Variants in SGCZ observed in about 807,000 individuals in gnomAD.
SGCZ encodes sarcoglycan zeta.
In SGCZ, 40 loss-of-function variants were observed where a neutral mutation model predicts 41.3. The ratio of observed to expected loss-of-function variants is 0.97; its 90% CI spans 0.75 to 1.26. SGCZ has a LOEUF of 1.26. Among genes scored for constraint, SGCZ ranks in the 50% most tolerant of loss-of-function variants. The pLI is 0.00. For synonymous variants in SGCZ, 206 were observed against 137.5 expected (o/e 1.50, Z -3.49); for missense variants, 552 against 369.8 (o/e 1.49, Z -4.04).
At chr8:14,884,278 C>T (rs1054749017) in intron 1 of SGCZ, among the ~76,000 whole-genome samples, 2 of 152,078 alleles carry the variant, frequency 1.3e-5, no homozygotes, top group African/African-American at 2.4e-5. Context: ...CCAAACCTGG[C>T]GTGTTTTTGA....
intron 4 of SGCZ, among the ~76,000 whole-genome samples, chr8:14,205,369 A>T (rs2117080997): frequency 6.6e-6 from 1 of 152,282 alleles, no homozygotes; most frequent in Admixed American, 6.5e-5. Flanking sequence ...TTTCCAAGCA[A>T]TCTGCTAAAA....
chr8:14,137,466 A>C (rs144992562), intron 5 of SGCZ, among the ~76,000 whole-genome samples: 3,211 of 152,312 alleles, frequency 0.021, 46 homozygotes, highest in Middle Eastern at 0.078. Flanking sequence ...TAGAATAAAC[A>C]GTGTAGAGAA....
chr8:14,622,929 C>T (rs902088025), intron 1 of SGCZ, among the ~76,000 whole-genome samples: 1 of 152,118 alleles, frequency 6.6e-6, no homozygotes, highest in Non-Finnish European at 1.5e-5. Context: ...AAAGCTCCTC[C>T]TTTGTTCAAG....
chr8:14,658,648 C>T (rs1480461002), intron 1 of SGCZ, among the ~76,000 whole-genome samples: 1 of 152,096 alleles, frequency 6.6e-6, no homozygotes, highest in Admixed American at 6.6e-5. Flanking sequence ...TATCCTTTTG[C>T]CTGAAGTCTT....
In SGCZ at chr8:14,734,708, C is replaced by T. The variant is rs574725039; in HGVS notation, c.40-179782G>A. 2.0e-5 allele frequency among the ~76,000 whole-genome samples: 3 copies of T among 152,200 alleles called. No individual in the cohort carries two copies. In the South Asian group the frequency reaches 6.2e-4, roughly 32 times the overall value. On this transcript the variant is annotated intron_variant, in intron 1 of 7. Transcript: ENST00000382080. ...CTCCAAGCTTCCTCTACATTAAGTG[C>T]TCTTGATTGCATAGTATTAAACAAG...
chr8:14,617,808 A>C (rs879642035), intron 1 of SGCZ, among the ~76,000 whole-genome samples: 6 of 152,032 alleles, frequency 3.9e-5, no homozygotes, highest in Admixed American at 6.6e-5. Flanking sequence ...GTGCATGTTG[A>C]AGAAGATGGA....
chr8:14,701,599 A>G (rs1470589702), intron 1 of SGCZ, among the ~76,000 whole-genome samples: 12 of 151,964 alleles, frequency 7.9e-5, no homozygotes, highest in Admixed American at 7.9e-4. Flanking sequence ...ATGTTTGTCA[A>G]CAAACTATCC....
At chr8:14,518,036 C>T (rs1802676741) in intron 2 of SGCZ, among the ~76,000 whole-genome samples, 1 of 151,460 alleles carries the variant, frequency 6.6e-6, no homozygotes, top group African/African-American at 2.4e-5. Context: ...TATTAAAACT[C>T]TGAGAAAATA....
At chr8:14,971,812 G>T (rs1472573786) in intron 1 of SGCZ, among the ~76,000 whole-genome samples, 1 of 151,806 alleles carries the variant, frequency 6.6e-6, no homozygotes, top group African/African-American at 2.4e-5. Flanking sequence ...ACAATGCCGA[G>T]ATAATCTTTG....
At chr8:14,757,692 C>G (rs949681032) in intron 1 of SGCZ, among the ~76,000 whole-genome samples, 18 of 152,174 alleles carry the variant, frequency 1.2e-4, no homozygotes, top group Admixed American at 6.5e-4. Flanking sequence ...ATCCTTATCA[C>G]AAAGAATTGA....
At chr8:14,542,289 T>C (rs1803493839) in intron 2 of SGCZ, among the ~76,000 whole-genome samples, 1 of 152,022 alleles carries the variant, frequency 6.6e-6, no homozygotes, top group African/African-American at 2.4e-5. Context: ...CCCTCATTTA[T>C]AATCCCCAAG....
chr8:14,995,404 G>C (rs74706475), intron 1 of SGCZ, among the ~76,000 whole-genome samples: 1 of 152,190 alleles, frequency 6.6e-6, no homozygotes, highest in Non-Finnish European at 1.5e-5. Context: ...ACGATTAATA[G>C]GGATGGGTTC....
At chr8:14,322,501 C>G (rs899020579) in intron 3 of SGCZ, among the ~76,000 whole-genome samples, 3 of 152,010 alleles carry the variant, frequency 2.0e-5, no homozygotes, top group Non-Finnish European at 2.9e-5. Flanking sequence ...TCCTGTTTCT[C>G]AAGAGAATCC....
At chr8:14,391,989 A>G (rs543314480) in intron 2 of SGCZ, among the ~76,000 whole-genome samples, 1 of 152,218 alleles carries the variant, frequency 6.6e-6, no homozygotes, top group South Asian at 2.1e-4. Context: ...ACCTCCCAAC[A>G]AGCCCCATCT....
intron 2 of SGCZ, among the ~76,000 whole-genome samples, chr8:14,389,401 C>T (rs946631871): frequency 2.7e-5 from 4 of 149,264 alleles, no homozygotes; most frequent in African/African-American, 9.9e-5. Context: ...ATAATATAAG[C>T]ATACTGAAAG....
intron 5 of SGCZ, among the ~76,000 whole-genome samples, chr8:14,108,917 G>C (rs535380960): frequency 2.0e-5 from 3 of 152,130 alleles, no homozygotes; most frequent in Non-Finnish European, 2.9e-5. Flanking sequence ...AATTGAGGGA[G>C]GGCTAAGTCA....
intron 1 of SGCZ, among the ~76,000 whole-genome samples, chr8:15,102,995 T>C (rs1371797419): frequency 6.6e-6 from 1 of 152,176 alleles, no homozygotes; most frequent in Non-Finnish European, 1.5e-5. Context: ...AATGTAATTA[T>C]TACATAACAA....
chr8:14,427,010 G>C (rs562574481), intron 2 of SGCZ, among the ~76,000 whole-genome samples: 54 of 149,986 alleles, frequency 3.6e-4, no homozygotes, highest in Admixed American at 3.0e-3. Flanking sequence ...TCAGTAGCCT[G>C]TTTGCAGCCC....
chr8:14,698,431 G>A, intron 1 of SGCZ, among the ~76,000 whole-genome samples: 1 of 151,578 alleles, frequency 6.6e-6, no homozygotes, highest in Non-Finnish European at 1.5e-5. Context: ...AAGAGTAAAT[G>A]GGTAATGAAA....
Sources: gnomAD v4.1 joint callset for allele counts (sites outside exome capture counted in the v4.1 genomes callset) on GRCh38, gnomAD v4.1.1 for gene constraint, MANE v1.5 for transcripts, NCBI Gene and HGNC (gene_info 2026-07-23, HGNC 2026-07-21) for gene names.